Variants in MYO9A observed in about 807,000 individuals in gnomAD.
MYO9A encodes myosin IXA, also known as unconventional myosin-IXa.
MYO9A carries 103 observed loss-of-function variants against 293.3 expected under a neutral mutation model. That is an observed-to-expected ratio of 0.35 (90% confidence interval 0.30 to 0.41). The LOEUF (loss-of-function observed/expected upper bound fraction) is 0.41, where lower values mean the gene tolerates loss of function less well. Ranked by LOEUF, MYO9A falls within the 10% of genes least tolerant of loss-of-function variation. The pLI is 1.00. For missense variants in MYO9A, 2,685 were observed against 3,033.0 expected (o/e 0.89, Z 2.69); for synonymous variants, 1,001 against 1,035.7 (o/e 0.97, Z 0.64).
intron 4 of MYO9A, among the ~76,000 whole-genome samples, chr15:72,026,401 A>G (rs759431313): frequency 2.6e-5 from 4 of 151,760 alleles, no homozygotes; most frequent in Non-Finnish European, 5.9e-5. Flanking sequence ...ATTATAAAAT[A>G]CTCCAAGATG....
At chr15:71,961,482 C>T (rs903945668) in intron 13 of MYO9A, among the ~76,000 whole-genome samples, 4 of 152,146 alleles carry the variant, frequency 2.6e-5, no homozygotes, top group Non-Finnish European at 5.9e-5. Flanking sequence ...TGGCACTCTT[C>T]TAAGTATTTT....
chr15:71,875,891 C>G, intron 31 of MYO9A, 53 bp from the exon 32 acceptor site: 1 of 1,002,194 alleles, frequency 1.0e-6, no homozygotes, highest in Non-Finnish European at 1.3e-6. Flanking sequence ...GACTAACATA[C>G]TTTCTTACTT....
chr15:72,002,818 G>A (rs1028422784), intron 8 of MYO9A, among the ~76,000 whole-genome samples: 1 of 152,200 alleles, frequency 6.6e-6, no homozygotes, highest in African/African-American at 2.4e-5. Flanking sequence ...TTTATTACTT[G>A]AGTGGGGCTG....
intron 39 of MYO9A, among the ~76,000 whole-genome samples, chr15:71,832,767 A>T (rs1246495695): frequency 6.6e-6 from 1 of 152,244 alleles, no homozygotes; most frequent in East Asian, 1.9e-4. Flanking sequence ...AAACGTGAGT[A>T]TGTTTAAATA....
At chr15:71,932,304 T>G (rs2058500447) in intron 18 of MYO9A, among the ~76,000 whole-genome samples, 3 of 152,218 alleles carry the variant, frequency 2.0e-5, no homozygotes, top group South Asian at 4.1e-4. Context: ...CATTTATTTG[T>G]TTTCAGTGGT....
chr15:72,041,650 C>T (rs749024130), intron 2 of MYO9A: 3 of 230,410 alleles, frequency 1.3e-5, no homozygotes, highest in Non-Finnish European at 2.7e-5. Context: ...ATTTCGTACA[C>T]CATGGTGAGC....
intron 11 of MYO9A, among the ~76,000 whole-genome samples, chr15:71,985,582 G>A (rs1053386331): frequency 3.9e-5 from 6 of 152,088 alleles, no homozygotes; most frequent in African/African-American, 1.4e-4. Context: ...TTATTTTTGA[G>A]TCAGAAGAAA....
intron 19 of MYO9A, among the ~76,000 whole-genome samples, chr15:71,912,773 C>T (rs2057898378): frequency 6.6e-6 from 1 of 152,170 alleles, no homozygotes; most frequent in Non-Finnish European, 1.5e-5. Flanking sequence ...ATTCACCACA[C>T]ATAGAATTCT....
At chr15:71,927,096 T>C (rs1194741123) in intron 18 of MYO9A, among the ~76,000 whole-genome samples, 4 of 152,092 alleles carry the variant, frequency 2.6e-5, no homozygotes, top group Non-Finnish European at 5.9e-5. Flanking sequence ...ACAAATCCAA[T>C]GATCACAGGA....
chr15:71,990,711 T>G (rs2076521837), intron 11 of MYO9A, among the ~76,000 whole-genome samples: 1 of 145,578 alleles, frequency 6.9e-6, no homozygotes, highest in Non-Finnish European at 1.5e-5. Flanking sequence ...GAGCCGAGAT[T>G]GGGCCACTGC....
At chr15:71,953,573 T>C (rs1420671366) in intron 14 of MYO9A, 10 of 152,218 alleles carry the variant, frequency 6.6e-5, no homozygotes, top group Admixed American at 3.9e-4. Context: ...CTATTTTCTA[T>C]TTCATCTAAT....
intron 12 of MYO9A, 83 bp from the exon 13 acceptor site, chr15:71,968,208 T>C (rs971952977): frequency 2.8e-5 from 32 of 1,162,876 alleles, no homozygotes; most frequent in African/African-American, 1.4e-4. Context: ...TCAAAGTACA[T>C]TACAATTACA....
At chr15:71,982,018 T>C in intron 11 of MYO9A, among the ~76,000 whole-genome samples, 1 of 120,974 alleles carries the variant, frequency 8.3e-6, no homozygotes, top group Middle Eastern at 4.0e-3. Context: ...TTTTTTTTTT[T>C]TTTTTTTTTT....
rs140504933 is a variant in MYO9A, at chr15:72,009,940, T to C, written c.1253+410A>G. Among the ~76,000 whole-genome samples the C allele has an allele frequency of 3.4e-3, 511 of 152,260 alleles. 3 individuals are homozygous for C. The highest frequency in any genetic ancestry group is 0.011 in the African/African-American group (458 of 41,542). On this transcript the variant is annotated intron_variant, in intron 7 of 41. Transcript: ENST00000356056. Reference sequence around the variant, plus strand: ...TTAATAGTATAGTACAGATATAAACTATACAGAGGAAATACACTGAAAATT... The same window carrying C: ...TTAATAGTATAGTACAGATATAAACCATACAGAGGAAATACACTGAAAATT...
At chr15:72,049,251 CAATT>C (rs972180806) in intron 1 of MYO9A, among the ~76,000 whole-genome samples, 3 of 152,058 alleles carry the variant, frequency 2.0e-5, no homozygotes, top group African/African-American at 7.2e-5. Flanking sequence ...ATTAAATGAT[CAATT>C]GATATTCAAA....
intron 1 of MYO9A, among the ~76,000 whole-genome samples, chr15:72,112,120 T>C (rs975021351): frequency 3.3e-5 from 5 of 152,064 alleles, no homozygotes; most frequent in Admixed American, 6.6e-5. Context: ...TTTAAAAGAA[T>C]ACAGTTATAT....
chr15:71,830,062 A>G (rs1199896990), intron 40 of MYO9A, 47 bp downstream of exon 40: 1 of 1,581,378 alleles, frequency 6.3e-7, no homozygotes, highest in Non-Finnish European at 8.7e-7. Context: ...AAGGAAGGAA[A>G]CAAAAACAGA....
At chr15:72,090,293 T>C (rs1172154816) in intron 1 of MYO9A, among the ~76,000 whole-genome samples, 1 of 152,192 alleles carries the variant, frequency 6.6e-6, no homozygotes, top group Non-Finnish European at 1.5e-5. Flanking sequence ...TTTATATCTT[T>C]TTAAACAAAG....
chr15:71,993,565 A>G (rs1483845109), intron 10 of MYO9A: 1 of 152,218 alleles, frequency 6.6e-6, no homozygotes, highest in Non-Finnish European at 1.5e-5. Context: ...AAATCCTGAT[A>G]ACATCCAATG....
Sources: gnomAD v4.1 joint callset for allele counts (sites outside exome capture counted in the v4.1 genomes callset) on GRCh38, gnomAD v4.1.1 for gene constraint, MANE v1.5 for transcripts, NCBI Gene and HGNC (gene_info 2026-07-23, HGNC 2026-07-21) for gene names.